The following ANTXR2 variants were observed in gnomAD, a reference collection of about 807,000 sequenced individuals.
The protein encoded by ANTXR2 is ANTXR cell adhesion molecule 2.
ANTXR2 carries 44 observed loss-of-function variants against 73.7 expected under a neutral mutation model. The observed-to-expected ratio is 0.60, with a 90% CI of 0.47 to 0.77. The LOEUF is 0.77. ANTXR2 is among the 30% of genes least tolerant of loss of function. The pLI, the probability that ANTXR2 is intolerant of heterozygous loss-of-function variation, is 0.00. For missense variants in ANTXR2, 604 were observed against 592.5 expected, an observed-to-expected ratio of 1.02 and a Z score of -0.20; for synonymous variants, 217 against 205.9, an observed-to-expected ratio of 1.05 and a Z score of -0.46.
intron 12 of ANTXR2, among the ~76,000 whole-genome samples, chr4:79,992,664 C>A (rs1453262559): frequency 6.6e-6 from 1 of 151,750 alleles, no homozygotes; most frequent in Non-Finnish European, 1.5e-5. Flanking sequence ...GGTATATTTC[C>A]TCTATAAAAA....
chr4:80,026,336 A>G lies in ANTXR2; in HGVS notation c.866+5287T>C, dbSNP rs113454311. On this transcript the variant is annotated intron_variant, in intron 10 of 16. Transcript: ENST00000403729. The stretch of plus-strand genomic sequence containing the variant: ...CTTTGCTCCCCCTTAGCCTTCTGCC[A>G]TGACTAAGTTTCCTGAGGCTTCCCC... Among the ~76,000 whole-genome samples, 1,110 of 152,218 alleles carry G rather than the reference A, an allele frequency of 7.3e-3. 11 individuals are homozygous for G. Among genetic ancestry groups the G allele is most frequent in the African/African-American group, 0.025 (1,041 of 41,504 alleles).
At chr4:80,038,477 T>C (rs1216930190) in intron 7 of ANTXR2, among the ~76,000 whole-genome samples, 1 of 152,074 alleles carries the variant, frequency 6.6e-6, no homozygotes, top group African/African-American at 2.4e-5. Context: ...GTATATCCCC[T>C]ATAAGGTATT....
chr4:80,061,631 G>C (rs1734264286), intron 3 of ANTXR2, among the ~76,000 whole-genome samples: 1 of 152,036 alleles, frequency 6.6e-6, no homozygotes, highest in Admixed American at 6.6e-5. Flanking sequence ...ATGTTCTCAA[G>C]ATGTTATTTA....
At position 79,943,803 on chromosome 4, in the gene ANTXR2, A is replaced by T. The variant is rs181153736; in HGVS notation, c.1428+33818T>A. ...AAATAATTGTTTTTAAGCAAAAACA[A>T]GAAATATTTTGATGTCTGGTTACTG... On this transcript the variant is annotated intron_variant, in intron 16 of 16. Coordinates refer to ENST00000403729, the MANE Select transcript of ANTXR2 (RefSeq NM_058172.6). Among the ~76,000 whole-genome samples the T allele has an allele frequency of 1.1e-3, 166 of 152,268 alleles. 1 individual carries two copies. The highest frequency in any genetic ancestry group is 3.7e-3 in the African/African-American group (155 of 41,574).
At chr4:79,928,531 G>A (rs1727919634) in intron 16 of ANTXR2, among the ~76,000 whole-genome samples, 1 of 152,044 alleles carries the variant, frequency 6.6e-6, no homozygotes, top group Non-Finnish European at 1.5e-5. Context: ...TTTTACCATA[G>A]TAAAAATATT....
rs1438265929 is a variant in ANTXR2 at position 79,906,619 on chromosome 4, C to G, written c.*810G>C. 2.6e-5 allele frequency: 4 copies of G among 152,624 alleles called. No individual in the cohort carries two copies. In the East Asian group the frequency reaches 7.7e-4, roughly 29 times the overall value. The allele number at this position is 152,624 out of a possible 1,614,324, so 9.5% of individuals were successfully genotyped here. A position where few individuals can be genotyped will look rare whatever the true frequency, so the allele number is the denominator to read the frequency against. On this transcript the variant is annotated 3_prime_UTR_variant, in exon 17 of 17. Coordinates refer to ENST00000403729, the MANE Select transcript of ANTXR2 (RefSeq NM_058172.6). ...TAAACACAGGAAAAGGGGGAATCTA[C>G]TAGTCACAGGGACAAGTTCGCAAAA...
intron 11 of ANTXR2, among the ~76,000 whole-genome samples, chr4:80,014,589 T>C (rs1357909221): frequency 6.6e-6 from 1 of 151,754 alleles, no homozygotes; most frequent in Non-Finnish European, 1.5e-5. Context: ...TATAAATAAA[T>C]AAATAAAAAC....
chr4:80,041,931 G>A lies in ANTXR2; in HGVS notation c.637-5899C>T, dbSNP rs143466073. 3.8e-3 allele frequency among the ~76,000 whole-genome samples: 585 copies of A among 152,014 alleles called. 3 individuals are homozygous for A. Among genetic ancestry groups the A allele is most frequent in the African/African-American group, 0.013 (544 of 41,466 alleles). On this transcript the variant is annotated intron_variant, in intron 7 of 16. Transcript: ENST00000403729. ...GTGAATAGTGCTGCAATAAACATAC[G>A]CATGCATGTATCTTTGTAATAGAAT...
chr4:79,921,256 T>A (rs1008429209), intron 16 of ANTXR2, among the ~76,000 whole-genome samples: 1 of 152,110 alleles, frequency 6.6e-6, no homozygotes, highest in Admixed American at 6.6e-5. Context: ...AAATTCTGAA[T>A]GTTTATATAT....
intron 16 of ANTXR2, among the ~76,000 whole-genome samples, chr4:79,934,614 A>C (rs985632849): frequency 2.0e-5 from 3 of 152,060 alleles, no homozygotes; most frequent in African/African-American, 4.8e-5. Context: ...ATCATTTATA[A>C]AATATGGAAA....
chr4:80,014,339 C>T (rs188996094), intron 11 of ANTXR2, among the ~76,000 whole-genome samples: 263 of 152,024 alleles, frequency 1.7e-3, no homozygotes, highest in African/African-American at 5.6e-3. Flanking sequence ...GAGACTGAGG[C>T]GGCCAAATCA....
chr4:79,945,570 C>T (rs1215840423), intron 16 of ANTXR2, among the ~76,000 whole-genome samples: 1 of 152,086 alleles, frequency 6.6e-6, no homozygotes, highest in Non-Finnish European at 1.5e-5. Flanking sequence ...TTTATATTTT[C>T]TGACTTGAGA....
chr4:80,016,019 C>T (rs1731851969), intron 11 of ANTXR2, among the ~76,000 whole-genome samples: 2 of 149,632 alleles, frequency 1.3e-5, no homozygotes, highest in South Asian at 4.2e-4. Flanking sequence ...GAGGTCGGTC[C>T]TGACAAATGA....
intron 12 of ANTXR2, among the ~76,000 whole-genome samples, chr4:80,006,617 C>T (rs1368930398): frequency 6.6e-6 from 1 of 151,968 alleles, no homozygotes; most frequent in African/African-American, 2.4e-5. Context: ...TCCCTTTATG[C>T]CTCGTAGAAA....
chr4:79,996,540 C>T (rs1730739397), intron 12 of ANTXR2, among the ~76,000 whole-genome samples: 1 of 151,828 alleles, frequency 6.6e-6, no homozygotes, highest in Admixed American at 6.6e-5. Context: ...TTGTGATGTT[C>T]CAAAATCTTC....
chr4:80,018,768 C>G, intron 11 of ANTXR2, 130 bp downstream of exon 11: 1 of 745,594 alleles, frequency 1.3e-6, no homozygotes, highest in Non-Finnish European at 2.1e-6. Flanking sequence ...CAAAATTTTT[C>G]CTTGTAATGG....
intron 16 of ANTXR2, among the ~76,000 whole-genome samples, chr4:79,934,422 G>A (rs1040044137): frequency 6.6e-6 from 1 of 152,032 alleles, no homozygotes; most frequent in Non-Finnish European, 1.5e-5. Flanking sequence ...AGCTACTTGG[G>A]AGGCTGAGGC....
chr4:79,947,307 A>T (rs1290872491), intron 16 of ANTXR2, among the ~76,000 whole-genome samples: 1 of 152,108 alleles, frequency 6.6e-6, no homozygotes, highest in Non-Finnish European at 1.5e-5. Context: ...CCCTCTTATA[A>T]CTGAATCTGT....
At chr4:80,000,329 A>C (rs1402604023) in intron 12 of ANTXR2, among the ~76,000 whole-genome samples, 1 of 152,106 alleles carries the variant, frequency 6.6e-6, no homozygotes, top group Non-Finnish European at 1.5e-5. Flanking sequence ...AAATTTCCTC[A>C]AGCACAATAC....
Sources: gnomAD v4.1 joint callset for allele counts (sites outside exome capture counted in the v4.1 genomes callset) on GRCh38, gnomAD v4.1.1 for gene constraint, MANE v1.5 for transcripts, NCBI Gene and HGNC (gene_info 2026-07-23, HGNC 2026-07-21) for gene names.